ZNF557: variants seen among roughly 807,000 people sequenced by gnomAD.
ZNF557 encodes zinc finger protein 557, also known as CTB-25J19.9.
ZNF557 carries 19 observed loss-of-function variants against 21.2 expected under a neutral mutation model. The ratio of observed to expected loss-of-function variants is 0.90; its 90% CI spans 0.63 to 1.32. The LOEUF (loss-of-function observed/expected upper bound fraction) is 1.32. Ranked by LOEUF, ZNF557 falls within the 40% of genes most tolerant of loss-of-function variation. The pLI is 0.00. For missense variants in ZNF557, 487 were observed against 519.8 expected (o/e 0.94, Z 0.61); for synonymous variants, 207 against 194.8 (o/e 1.06, Z -0.52).
At chr19:7,075,786 C>G in intron 4 of ZNF557, 43 bp downstream of exon 4, 1 of 1,603,198 alleles carries the variant, frequency 6.2e-7, no homozygotes, top group South Asian at 1.1e-5. Context: ...TTCCTTCAGC[C>G]AGAAGGTTGG....
In ZNF557 at chr19:7,083,411, C is replaced by T. The variant is rs117503786; in HGVS notation, c.960C>T (p.Tyr320=). 3.4e-4 allele frequency: 554 copies of T among 1,614,194 alleles called. 1 individual carries two copies. The highest frequency in any genetic ancestry group is 4.5e-4 in the Non-Finnish European group (534 of 1,180,028). The change falls in exon 8 of 8, where the codon TAC becomes TAT. Residue 320 remains tyrosine (Y), a synonymous_variant. Coordinates refer to ENST00000252840, the MANE Select transcript of ZNF557 (RefSeq NM_024341.3). The part of the protein sequence containing the change: ...HYSIHTGEYP[Y]ECHDCGRTFR... ...GCATTCATACAGGGGAGTACCCTTA[C>T]GAATGCCACGATTGTGGGAGAACCT...
At position 7,075,195 on chromosome 19, in the gene ZNF557, G is replaced by A. The variant is rs147808200; in HGVS notation, c.31+90G>A. On this transcript the variant is annotated intron_variant, in intron 3 of 7. Coordinates refer to ENST00000252840, the MANE Select transcript of ZNF557 (RefSeq NM_024341.3). The stretch of plus-strand genomic sequence containing the variant: ...GATGGGAGGGGGTTGGGCAGAGCAG[G>A]TGAGGCAGGAGTGGAGCCCCAGGGG... 2.7e-3 allele frequency: 4,359 copies of A among 1,587,700 alleles called. 11 individuals carry two copies. Among genetic ancestry groups the A allele is most frequent in the Non-Finnish European group, 3.4e-3 (3,896 of 1,158,020 alleles).
intron 7 of ZNF557, among the ~76,000 whole-genome samples, 184 bp downstream of exon 7, chr19:7,082,236 C>G (rs79548909): frequency 2.0e-5 from 3 of 151,574 alleles, no homozygotes; most frequent in Admixed American, 6.6e-5. Flanking sequence ...CTGGCCAATA[C>G]GGTGAAACCC....
intron 1 of ZNF557, 46 bp from the exon 2 acceptor site, chr19:7,070,516 C>A (rs1462487170): frequency 6.6e-6 from 1 of 152,124 alleles, no homozygotes; most frequent in African/African-American, 2.4e-5. Flanking sequence ...ACATATTACT[C>A]CCTACAAAAG....
rs1295129877 is a variant in ZNF557, at chr19:7,071,759, C to T, written c.-80+1106C>T. Among the ~76,000 whole-genome samples, 3 of 135,112 alleles carry T rather than the reference C, an allele frequency of 2.2e-5. No individual in the cohort carries two copies. The East Asian group carries it at 6.6e-4, about 30-fold the overall frequency. The allele number at this position is 135,112 out of a possible 152,430, so 88.6% of individuals were successfully genotyped here. A position where few individuals can be genotyped will look rare whatever the true frequency, so the allele number is the denominator to read the frequency against. On this transcript the variant is annotated intron_variant, in intron 2 of 7. Transcript: ENST00000252840. ...AGACTGCAGTGAGCCAAGATGGCAC[C>T]GCTGCACTTCAGCCTGGGCAACAGA...
rs1394618746 is a variant in ZNF557 at position 7,083,852 on chromosome 19, C to T, written c.*108C>T. The T allele has an allele frequency of 7.0e-7, 1 of 1,434,272 alleles. No individual in the cohort carries two copies. The highest frequency in any genetic ancestry group is 2.3e-5 in the East Asian group (1 of 43,400). The allele number at this position is 1,434,272 out of a possible 1,614,324, so 88.8% of individuals were successfully genotyped here. ...CCTGCTACTGTGTAACAAATTACCC[C>T]CCAAAATTTTGTGGCTTCAAACAAA... On this transcript the variant is annotated 3_prime_UTR_variant, in exon 8 of 8. Transcript: ENST00000252840.
intron 7 of ZNF557, 51 bp downstream of exon 7, chr19:7,082,103 C>A: frequency 1.4e-6 from 2 of 1,461,088 alleles, no homozygotes; most frequent in East Asian, 2.3e-5. Context: ...GAATGCCCTA[C>A]ATGAGAAAAG....
rs1349131304 is a variant in ZNF557, at chr19:7,084,990, C to T, written c.*1246C>T. The T allele has an allele frequency of 6.6e-6, 1 of 152,028 alleles. No homozygotes were observed. The highest frequency in any genetic ancestry group is 1.5e-5 in the Non-Finnish European group (1 of 68,004). The allele number at this position is 152,028 out of a possible 1,614,324, so 9.4% of individuals were successfully genotyped here. ...GTTGAGTATACACAGTGTTGAAAAG[C>T]CTGTGACACAAACAGTCATATTACC... On this transcript the variant is annotated 3_prime_UTR_variant, in exon 8 of 8. Transcript: ENST00000252840.
chr19:7,075,028 A>G lies in ZNF557; in HGVS notation c.-47A>G. On this transcript the variant is annotated 5_prime_UTR_variant, in exon 3 of 8. Transcript: ENST00000252840. The stretch of plus-strand genomic sequence containing the variant: ...TCCTGAGAGCGCTGCGGGATAAAGG[A>G]GGAGCGTCCTGCTTCCCGGCTGCCC... 1 of 1,613,830 alleles carries G rather than the reference A, an allele frequency of 6.2e-7. No homozygotes were observed. Among genetic ancestry groups the G allele is most frequent in the South Asian group, 1.1e-5 (1 of 91,082 alleles).
rs928943916 is a variant in ZNF557, at chr19:7,087,533, A to G, written c.*3789A>G. The G allele has an allele frequency of 7.6e-5, 4 of 52,664 alleles. No homozygotes were observed. The highest frequency in any genetic ancestry group is 2.3e-4 in the African/African-American group (3 of 12,832). 3.3% of individuals were successfully genotyped at this position (52,664 alleles called of 1,614,324 possible). On this transcript the variant is annotated 3_prime_UTR_variant, in exon 8 of 8. Coordinates refer to ENST00000252840, the MANE Select transcript of ZNF557 (RefSeq NM_024341.3). The stretch of plus-strand genomic sequence containing the variant: ...GCCTGGGCAACAAGAGCAAAACTCC[A>G]TCTCAAAAAAAAAAAAAAAGAAAGA...
intron 6 of ZNF557, 81 bp from the exon 7 acceptor site, chr19:7,081,889 C>A: frequency 1.9e-6 from 2 of 1,056,818 alleles, no homozygotes; most frequent in Non-Finnish European, 2.9e-6. Flanking sequence ...CCTTCACTCA[C>A]GTATGCATTT....
At chr19:7,073,099 TATA>T (rs1379081791) in intron 2 of ZNF557, among the ~76,000 whole-genome samples, 2 of 152,092 alleles carry the variant, frequency 1.3e-5, no homozygotes, top group Non-Finnish European at 2.9e-5. Context: ...CACAAACAAG[TATA>T]AATACATGGA....
At chr19:7,082,791 A>T (rs1181563886) in intron 7 of ZNF557, 87 bp from the exon 8 acceptor site, 2 of 1,371,612 alleles carry the variant, frequency 1.5e-6, no homozygotes, top group African/African-American at 2.9e-5. Context: ...GATACACAAC[A>T]GAATTCCTGG....
In ZNF557 at chr19:7,083,740, T is replaced by A. The variant is rs773937840; in HGVS notation, c.1289T>A (p.Met430Lys). The change falls in exon 8 of 8, where the codon ATG becomes AAG. Residue 430 changes from methionine (M) to lysine (K), a missense_variant. Physicochemically the swap from Met to Lys is moderately conservative, Grantham distance 95. Coordinates refer to ENST00000252840, the MANE Select transcript of ZNF557 (RefSeq NM_024341.3). Reference sequence around the variant, plus strand: ...CATACGAGAATGCATAATAGGCAAATGTGAATTCAATAACTGTGGGAAAAG... The same window carrying A: ...CATACGAGAATGCATAATAGGCAAAAGTGAATTCAATAACTGTGGGAAAAG... ...SVHTRMHNRQ[M>K] 6.3e-7 allele frequency: 1 copy of A among 1,596,500 alleles called. No individual in the cohort carries two copies. Among genetic ancestry groups the A allele is most frequent in the Non-Finnish European group, 8.5e-7 (1 of 1,170,634 alleles).
At chr19:7,073,865 G>C (rs1977514759) in intron 2 of ZNF557, among the ~76,000 whole-genome samples, 1 of 152,264 alleles carries the variant, frequency 6.6e-6, no homozygotes, top group South Asian at 2.1e-4. Flanking sequence ...GAGTGGCCCT[G>C]CCTTCCATGA....
At chr19:7,082,474 T>C (rs999348275) in intron 7 of ZNF557, among the ~76,000 whole-genome samples, 16 of 149,922 alleles carry the variant, frequency 1.1e-4, no homozygotes, top group Non-Finnish European at 1.6e-4. Flanking sequence ...AAGGAAAGTG[T>C]CATTTTTTTC....
intron 2 of ZNF557, among the ~76,000 whole-genome samples, chr19:7,071,846 C>T (rs1051693382): frequency 9.1e-5 from 13 of 143,450 alleles, no homozygotes; most frequent in African/African-American, 3.1e-4. Flanking sequence ...TGGCTCACGC[C>T]TGTAATCCCA....
intron 5 of ZNF557, among the ~76,000 whole-genome samples, chr19:7,079,210 C>T (rs1278315209): frequency 2.1e-5 from 3 of 145,662 alleles, no homozygotes; most frequent in African/African-American, 7.6e-5. Context: ...TTCTTTTTTC[C>T]TATAATGCAG....
Position 7,087,547 on chromosome 19 carries a change from AAAAAAG to A in ZNF557, c.*3807_*3812del, listed in dbSNP as rs1047678342. On this transcript the variant is annotated 3_prime_UTR_variant, in exon 8 of 8. Transcript: ENST00000252840. ...AGCAAAACTCCATCTCAAAAAAAAA[AAAAAAG>A]AAAGAAACAGTGCCGAAAAATCACA... 9.9e-5 allele frequency: 15 copies of A among 151,228 alleles called. No individual in the cohort carries two copies. The highest frequency in any genetic ancestry group is 7.4e-5 in the Non-Finnish European group (5 of 67,792). 9.4% of individuals were successfully genotyped at this position (151,228 alleles called of 1,614,324 possible). A position where few individuals can be genotyped will look rare whatever the true frequency, so the allele number is the denominator to read the frequency against.
Sources: allele counts gnomAD v4.1 joint callset (sites outside exome capture counted in the v4.1 genomes callset), GRCh38; gene constraint gnomAD v4.1.1; transcripts MANE v1.5; gene names NCBI Gene and HGNC (gene_info 2026-07-23, HGNC 2026-07-21).